SCRG1: variants seen among roughly 807,000 people sequenced by gnomAD.
SCRG1 encodes the protein scrapie-responsive protein 1.
In SCRG1, 3 loss-of-function variants were observed where a neutral mutation model predicts 7.7. The observed-to-expected ratio is 0.39, with a 90% confidence interval of 0.18 to 1.01. The LOEUF (loss-of-function observed/expected upper bound fraction) is 1.01, where lower values mean the gene tolerates loss of function less well. SCRG1 is among the 50% of genes least tolerant of loss of function. The probability of loss-of-function intolerance (pLI) is 0.36; values close to 1 mark genes in which losing one functional copy is unlikely to be tolerated. For missense variants in SCRG1, 110 were observed against 117.2 expected (o/e 0.94, Z 0.28); for synonymous variants, 46 against 41.2 (o/e 1.12, Z -0.44).
chr4:173,460,171 C>T, the SCRG1 span, among the ~76,000 whole-genome samples: 16 of 152,194 alleles, frequency 1.1e-4, no homozygotes, highest in Non-Finnish European at 2.9e-5. Flanking sequence ...CTTCATATCA[C>T]TGAAAGAGGC....
At chr4:173,449,388 G>A in the SCRG1 span, among the ~76,000 whole-genome samples, 3 of 150,556 alleles carry the variant, frequency 2.0e-5, no homozygotes, top group East Asian at 2.0e-4. Flanking sequence ...GAAAATACCC[G>A]AATGTGACAG....
At chr4:173,486,229 A>G in the SCRG1 span, among the ~76,000 whole-genome samples, 1 of 152,298 alleles carries the variant, frequency 6.6e-6, no homozygotes, top group Non-Finnish European at 1.5e-5. Flanking sequence ...AAGCAATTTC[A>G]TCTGAAACTT....
At chr4:173,417,253 C>T in the SCRG1 span, among the ~76,000 whole-genome samples, 2 of 152,302 alleles carry the variant, frequency 1.3e-5, no homozygotes, top group Non-Finnish European at 2.9e-5. Context: ...CAAGCATCTA[C>T]AGGCATGTTT....
At chr4:173,424,272 T>C in the SCRG1 span, among the ~76,000 whole-genome samples, 1 of 152,210 alleles carries the variant, frequency 6.6e-6, no homozygotes, top group Non-Finnish European at 1.5e-5. Context: ...ACTATTAGCA[T>C]TTAGCTATTT....
intron 1 of SCRG1, among the ~76,000 whole-genome samples, chr4:173,393,897 C>T (rs1423782503): frequency 1.3e-5 from 2 of 152,042 alleles, no homozygotes; most frequent in East Asian, 3.9e-4. Context: ...CAGTTTTCTA[C>T]TTATAGTCTA....
the SCRG1 span, among the ~76,000 whole-genome samples, chr4:173,501,557 G>A: frequency 6.6e-6 from 1 of 152,152 alleles, no homozygotes; most frequent in South Asian, 2.1e-4. This position sits in a 1 kb window ranked among gnomAD's most constrained non-coding sequence, Gnocchi z 5.1. Context: ...AGGCCTCTGC[G>A]GAGGTCTCTT....
At chr4:173,408,668 C>T (rs1426283336), upstream of SCRG1, among the ~76,000 whole-genome samples, 1 of 151,964 alleles carries the variant, frequency 6.6e-6, no homozygotes, top group Non-Finnish European at 1.5e-5. Context: ...TTTCCCCTCC[C>T]CATAGAAATT....
chr4:173,488,257 G>A, the SCRG1 span, among the ~76,000 whole-genome samples: 23 of 152,236 alleles, frequency 1.5e-4, no homozygotes, highest in Non-Finnish European at 2.5e-4. Context: ...CTACAGTCAC[G>A]TGACTCAAAA....
chr4:173,485,366 G>A, the SCRG1 span, among the ~76,000 whole-genome samples: 2 of 149,332 alleles, frequency 1.3e-5, no homozygotes, highest in African/African-American at 4.9e-5. Flanking sequence ...TGTCTTGCTG[G>A]AAACACATGG....
upstream of SCRG1, among the ~76,000 whole-genome samples, chr4:173,401,422 A>G (rs1739760137): frequency 6.6e-6 from 1 of 152,214 alleles, no homozygotes; most frequent in Non-Finnish European, 1.5e-5. Context: ...TACCTCAGGT[A>G]GATCTAAACA....
chr4:173,513,268 A>G, the SCRG1 span, among the ~76,000 whole-genome samples: 1 of 152,076 alleles, frequency 6.6e-6, no homozygotes, highest in African/African-American at 2.4e-5. Flanking sequence ...TCCACAGAGA[A>G]AAGACAATCC....
At chr4:173,484,149 G>C in the SCRG1 span, among the ~76,000 whole-genome samples, 26 of 87,614 alleles carry the variant, frequency 3.0e-4, no homozygotes, top group African/African-American at 1.2e-3. Context: ...ATAGAATATA[G>C]AATATTTTCT....
the SCRG1 span, among the ~76,000 whole-genome samples, chr4:173,459,116 A>G: frequency 6.6e-6 from 1 of 152,246 alleles, no homozygotes; most frequent in African/African-American, 2.4e-5. Context: ...AGATACATAA[A>G]GCAATTATTG....
chr4:173,398,170 G>T (rs946045784), intron 1 of SCRG1: 4 of 152,118 alleles, frequency 2.6e-5, no homozygotes, highest in Non-Finnish European at 5.9e-5. Flanking sequence ...ATTTCCCAAA[G>T]TATGTGTTAA....
At chr4:173,462,619 A>G in the SCRG1 span, among the ~76,000 whole-genome samples, 1 of 152,242 alleles carries the variant, frequency 6.6e-6, no homozygotes, top group East Asian at 1.9e-4. Flanking sequence ...ACCTGAAGGT[A>G]CAACACTGAC....
At chr4:173,402,753 A>C (rs1739793913), upstream of SCRG1, among the ~76,000 whole-genome samples, 1 of 152,118 alleles carries the variant, frequency 6.6e-6, no homozygotes, top group Non-Finnish European at 1.5e-5. Context: ...GGCTGGCAGT[A>C]TGGGGAGAAG....
the SCRG1 span, among the ~76,000 whole-genome samples, chr4:173,426,061 G>A: frequency 1.3e-5 from 2 of 152,186 alleles, no homozygotes; most frequent in African/African-American, 4.8e-5. Flanking sequence ...AATATAGGAA[G>A]CCCAGTTACA....
chr4:173,449,955 G>C, the SCRG1 span, among the ~76,000 whole-genome samples: 2 of 152,290 alleles, frequency 1.3e-5, no homozygotes, highest in South Asian at 4.1e-4. Context: ...AAAAACAACT[G>C]TTTAAACTGA....
chr4:173,448,313 C>T, the SCRG1 span, among the ~76,000 whole-genome samples: 1 of 152,330 alleles, frequency 6.6e-6, no homozygotes, highest in Non-Finnish European at 1.5e-5. Flanking sequence ...CATCTTTGTG[C>T]TACAGACAAA....
Sources: gnomAD v4.1 joint callset for allele counts (sites outside exome capture counted in the v4.1 genomes callset) on GRCh38, gnomAD v4.1.1 for gene constraint, Gnocchi (gnomAD v3.1) non-coding constraint, MANE v1.5 for transcripts, NCBI Gene and HGNC (gene_info 2026-07-23, HGNC 2026-07-21) for gene names.